Variants in ZNF445 observed in about 807,000 individuals in gnomAD.
ZNF445 encodes zinc finger protein 168.
Under a neutral mutation model 93.9 loss-of-function variants are expected in ZNF445, and 19 were observed. The ratio of observed to expected loss-of-function variants is 0.20; its 90% CI spans 0.14 to 0.30. The LOEUF (loss-of-function observed/expected upper bound fraction) is 0.30. Ranked by LOEUF, ZNF445 falls within the 10% of genes least tolerant of loss-of-function variation. ZNF445 has a pLI of 1.00. For missense variants in ZNF445, 1,058 were observed against 1,259.4 expected, an observed-to-expected ratio of 0.84 and a Z score of 2.42; for synonymous variants, 449 against 446.3, an observed-to-expected ratio of 1.01 and a Z score of -0.08.
chr3:44,477,540 C>T (rs1395788766), intron 1 of ZNF445, 51 bp downstream of exon 1: 1 of 152,382 alleles, frequency 6.6e-6, no homozygotes, highest in African/African-American at 2.4e-5. Flanking sequence ...CGGGGAGCCC[C>T]GCGCCCGCAA....
At chr3:44,452,836 G>A (rs78737059) in intron 3 of ZNF445, among the ~76,000 whole-genome samples, 21 of 151,766 alleles carry the variant, frequency 1.4e-4, no homozygotes, top group South Asian at 6.2e-4. Context: ...ACTGCTGGTA[G>A]ACCATGTCCT....
At position 44,451,351 on chromosome 3, in the gene ZNF445, A is replaced by G. The variant is rs1297891887; in HGVS notation, c.561T>C (p.Tyr187=). Residue 187 remains tyrosine (Y), a synonymous_variant, in exon 4 of 8, where the codon TAT becomes TAC. Transcript: ENST00000396077. ...CCAGGAAGTCACGTGCTTCTATTTC[A>G]TAGGGAGGCTCCAGGTGGTCCCCCA... The part of the protein sequence containing the change: ...SALGDHLEPP[Y]EIEARDFLAG... The G allele has an allele frequency of 6.2e-7, 1 of 1,614,034 alleles. No homozygotes were observed. Among genetic ancestry groups the G allele is most frequent in the South Asian group, 1.1e-5 (1 of 91,092 alleles).
chr3:44,456,737 T>C (rs1698032351), intron 2 of ZNF445, among the ~76,000 whole-genome samples: 1 of 152,222 alleles, frequency 6.6e-6, no homozygotes, highest in African/African-American at 2.4e-5. Flanking sequence ...TCCAATCCCC[T>C]AGTTGATTTT....
chr3:44,459,694 A>G (rs1575313594), intron 1 of ZNF445, among the ~76,000 whole-genome samples: 1 of 152,256 alleles, frequency 6.6e-6, no homozygotes, highest in South Asian at 2.1e-4. Flanking sequence ...CAGAATCCTG[A>G]CATGGGCTTA....
At chr3:44,463,522 G>A (rs1698149594) in intron 1 of ZNF445, among the ~76,000 whole-genome samples, 1 of 152,132 alleles carries the variant, frequency 6.6e-6, no homozygotes, top group Admixed American at 6.6e-5. Context: ...AAAATCAAAC[G>A]CTCTGTTCTG....
chr3:44,449,751 G>A (rs13071725), intron 6 of ZNF445, 128 bp from the exon 7 acceptor site: 11,080 of 694,554 alleles, frequency 0.016, 124 homozygotes, highest in Non-Finnish European at 0.022. Flanking sequence ...AGAAGCTAGC[G>A]AAGGAGGCCC....
intron 1 of ZNF445, among the ~76,000 whole-genome samples, chr3:44,458,701 C>T (rs557388926): frequency 5.3e-5 from 8 of 152,114 alleles, no homozygotes; most frequent in Non-Finnish European, 1.2e-4. Context: ...TTCTTCCCCT[C>T]CTTTCACCTG....
intron 1 of ZNF445, among the ~76,000 whole-genome samples, chr3:44,470,302 T>C (rs370922933): frequency 6.6e-6 from 1 of 152,268 alleles, no homozygotes; most frequent in South Asian, 2.1e-4. Context: ...CAAAAATATG[T>C]GCTAAGTTTG....
chr3:44,452,182 C>T (rs569380196), intron 3 of ZNF445, among the ~76,000 whole-genome samples: 7 of 152,172 alleles, frequency 4.6e-5, no homozygotes, highest in African/African-American at 1.4e-4. Flanking sequence ...GAGATGAGTA[C>T]AGGAAACTAC....
rs1054695325 is a variant in ZNF445, at chr3:44,437,987, G to A, written c.*8588C>T. The A allele has an allele frequency of 5.9e-5, 9 of 152,780 alleles. No homozygotes were observed. The South Asian group carries it at 1.4e-3, about 24-fold the overall frequency. The allele number at this position is 152,780 out of a possible 1,614,324, so 9.5% of individuals were successfully genotyped here. ...CCCAGCCCTCACTCAAAATGGAGTC[G>A]CTCTGGTTCAAATACCTCTGACACT... On this transcript the variant is annotated 3_prime_UTR_variant, in exon 8 of 8. Coordinates refer to ENST00000396077, the MANE Select transcript of ZNF445 (RefSeq NM_181489.6).
At chr3:44,475,059 A>G (rs1213077285) in intron 1 of ZNF445, among the ~76,000 whole-genome samples, 1 of 152,150 alleles carries the variant, frequency 6.6e-6, no homozygotes, top group Admixed American at 6.5e-5. Flanking sequence ...AGCTGAGATC[A>G]TGCCACTTCA....
intron 1 of ZNF445, among the ~76,000 whole-genome samples, chr3:44,470,974 G>C (rs1284930129): frequency 6.6e-6 from 1 of 151,776 alleles, no homozygotes; most frequent in Admixed American, 6.6e-5. Flanking sequence ...AGAGCAAAAT[G>C]CTACCAAAAC....
At position 44,440,054 on chromosome 3, in the gene ZNF445, ACT is replaced by A. The variant is rs1417749809; in HGVS notation, c.*6519_*6520del. The A allele has an allele frequency of 2.6e-5, 4 of 151,868 alleles. No individual in the cohort carries two copies. Among genetic ancestry groups the A allele is most frequent in the South Asian group, 2.1e-4 (1 of 4,814 alleles). 9.4% of individuals were successfully genotyped at this position (151,868 alleles called of 1,614,324 possible). ...GCAGACAAACGTCAAACATGGGGAG[ACT>A]CTATTCTAGCTCCCCCAGTCCTGGG... On this transcript the variant is annotated 3_prime_UTR_variant, in exon 8 of 8. Coordinates refer to ENST00000396077, the MANE Select transcript of ZNF445 (RefSeq NM_181489.6).
chr3:44,476,229 AT>A (rs1698350164), intron 1 of ZNF445, among the ~76,000 whole-genome samples: 1 of 152,212 alleles, frequency 6.6e-6, no homozygotes, highest in Non-Finnish European at 1.5e-5. Context: ...TTATGCACTA[AT>A]TCTTCCTGGA....
Position 44,448,517 on chromosome 3 carries a change from C to T in ZNF445, c.1154G>A (p.Gly385Glu). The change falls in exon 8 of 8, where the codon GGA becomes GAA. Residue 385 changes from glycine (G) to glutamate (E), a missense_variant. By Grantham distance (98) the Gly-to-Glu change is moderately conservative. This residue lies in a region of ZNF445 where 657 missense variants were observed against 746.4 expected (regional missense o/e 0.88). Transcript: ENST00000396077. The part of the protein sequence containing the change: ...KEETNFSHRT[G>E]KDSEVSGSNS... ...ACTTCCTGATACTTCAGAGTCTTTT[C>T]CTGTCCTGTGACTGAAATTGGTCTC... The T allele has an allele frequency of 1.2e-6, 2 of 1,614,024 alleles. No individual in the cohort carries two copies. The highest frequency in any genetic ancestry group is 1.7e-6 in the Non-Finnish European group (2 of 1,180,018).
Position 44,432,271 on chromosome 3 carries a change from G to GTC in ZNF445, c.*14302_*14303dup, listed in dbSNP as rs371789425. 8.0e-6 allele frequency: 1 copy of GTC among 125,324 alleles called. No homozygotes were observed. The highest frequency in any genetic ancestry group is 2.7e-4 in the South Asian group (1 of 3,754). 7.8% of individuals were successfully genotyped at this position (125,324 alleles called of 1,614,324 possible). ...CATCTACACTCATTTGTGTGTGTGT[G>GTC]TCTGTGTGTGTGTGTGTGTGTGTGT... On this transcript the variant is annotated 3_prime_UTR_variant, in exon 8 of 8. Coordinates refer to ENST00000396077, the MANE Select transcript of ZNF445 (RefSeq NM_181489.6).
At position 44,439,445 on chromosome 3, in the gene ZNF445, C is replaced by T. The variant is rs1697763330; in HGVS notation, c.*7130G>A. ...TGTTCTTCAGGCAAAAGGTGGTTAACTAACACTCAAAGTCTCATTGTGACC... is the reference window on the plus strand; with the variant it reads ...TGTTCTTCAGGCAAAAGGTGGTTAATTAACACTCAAAGTCTCATTGTGACC... On this transcript the variant is annotated 3_prime_UTR_variant, in exon 8 of 8. Transcript: ENST00000396077. The T allele has an allele frequency of 6.6e-6, 1 of 151,876 alleles. No homozygotes were observed. The highest frequency in any genetic ancestry group is 2.1e-4 in the South Asian group (1 of 4,806). The allele number at this position is 151,876 out of a possible 1,614,324, so 9.4% of individuals were successfully genotyped here. A position where few individuals can be genotyped will look rare whatever the true frequency, so the allele number is the denominator to read the frequency against.
rs151010388 is a variant in ZNF445, at chr3:44,448,262, G to C, written c.1409C>G (p.Ser470Cys). ...AAGACTCTGCCCACGTTGGTGATGA[G>C]AGCTAAGGCTGAAGTCTTTTCCACA... ...DVCGKDFSLS[S>C]HHQRGQSLHT... is the part of the protein sequence containing the mutation. The change falls in exon 8 of 8, where the codon TCT becomes TGT. Residue 470 changes from serine to cysteine, a missense_variant. Around this residue, in one of 3 missense-constraint regions of ZNF445, gnomAD observed 657 missense variants for 746.4 expected, o/e 0.88. Coordinates refer to ENST00000396077, the MANE Select transcript of ZNF445 (RefSeq NM_181489.6). 6.8e-6 allele frequency: 11 copies of C among 1,614,062 alleles called. No homozygotes were observed. Among genetic ancestry groups the C allele is most frequent in the African/African-American group, 6.7e-5 (5 of 74,924 alleles).
chr3:44,469,454 G>A lies in ZNF445; in HGVS notation c.-269+8137C>T, dbSNP rs578171681. Among the ~76,000 whole-genome samples, 21 of 152,274 alleles carry A rather than the reference G, an allele frequency of 1.4e-4. 1 individual carries two copies. The highest frequency in any genetic ancestry group is 4.6e-4 in the African/African-American group (19 of 41,564). On this transcript the variant is annotated intron_variant, in intron 1 of 7. Coordinates refer to ENST00000396077, the MANE Select transcript of ZNF445 (RefSeq NM_181489.6). ...AAAGATAGGAACATGCATGACGGCT[G>A]CTGATTCATGCACTCAGAAACAGAA... is the stretch of plus-strand genomic sequence containing the variant.
Sources: gnomAD v4.1 joint callset for allele counts (sites outside exome capture counted in the v4.1 genomes callset) on GRCh38, gnomAD v4.1.1 for gene constraint, gnomAD v4.1.1 regional missense constraint, MANE v1.5 for transcripts, NCBI Gene and HGNC (gene_info 2026-07-23, HGNC 2026-07-21) for gene names.